Variants in RRM2 observed in about 807,000 individuals in gnomAD.
The protein encoded by RRM2 is ribonucleoside-diphosphate reductase subunit M2.
RRM2 carries 6 observed loss-of-function variants against 45.9 expected under a neutral mutation model. That is an observed-to-expected ratio of 0.13 (90% CI 0.07 to 0.26). The LOEUF is 0.26. Ranked by LOEUF, RRM2 falls within the 10% of genes least tolerant of loss-of-function variation. The pLI, the probability that RRM2 is intolerant of heterozygous loss-of-function variation, is 1.00. For synonymous variants in RRM2, 177 were observed against 173.0 expected, an observed-to-expected ratio of 1.02 and a Z score of -0.18; for missense variants, 343 against 489.5, an observed-to-expected ratio of 0.70 and a Z score of 2.82.
At chr2:10,126,716 C>G in intron 5 of RRM2, 159 bp from the exon 6 acceptor site, 1 of 649,504 alleles carries the variant, frequency 1.5e-6, no homozygotes, top group Admixed American at 2.7e-5. Flanking sequence ...GAAAAACTGA[C>G]CAGTAAAAAT....
chr2:10,154,767 C>T (rs1192846352), intron 3 of RRM2, among the ~76,000 whole-genome samples: 1 of 141,386 alleles, frequency 7.1e-6, no homozygotes, highest in Non-Finnish European at 1.5e-5. Context: ...GCGATCTCGG[C>T]TCACTGCAAC....
chr2:10,141,710 G>A (rs1663082766), intron 1 of RRM2: 1 of 1,216,890 alleles, frequency 8.2e-7, no homozygotes, highest in Non-Finnish European at 1.1e-6. Context: ...TCTTGGGAAG[G>A]AAAGAGCAGG....
chr2:10,185,903 C>T lies in RRM2; in HGVS notation n.483-24408C>T, dbSNP rs73913998. On this transcript the variant is annotated intron_variant and non_coding_transcript_variant, in intron 3 of 3. Transcript: ENST00000381786. This position sits in a 1 kb window ranked among gnomAD's most constrained non-coding sequence, Gnocchi z 4.3. ...CCCTCCTTTCTGTCCTTCCTCGTGCCGAGGTTCTCTCTCCTTGACTGTTTC... is the reference window on the plus strand; with the variant it reads ...CCCTCCTTTCTGTCCTTCCTCGTGCTGAGGTTCTCTCTCCTTGACTGTTTC... Among the ~76,000 whole-genome samples the T allele has an allele frequency of 7.5e-3, 1,148 of 152,298 alleles. 19 individuals are homozygous for T. The highest frequency in any genetic ancestry group is 0.026 in the African/African-American group (1,080 of 41,560).
At chr2:10,190,977 C>T (rs1157977974) in intron 3 of RRM2, among the ~76,000 whole-genome samples, 1 of 152,194 alleles carries the variant, frequency 6.6e-6, no homozygotes, top group Non-Finnish European at 1.5e-5. Context: ...GGCCACCCAC[C>T]TGTGACCTGT....
chr2:10,194,707 G>A (rs10191873), intron 3 of RRM2, among the ~76,000 whole-genome samples: 32,989 of 152,192 alleles, frequency 0.22, 4,243 homozygotes, highest in African/African-American at 0.35. Flanking sequence ...CCTCCATCTG[G>A]AGCGGGCTCA....
At chr2:10,209,864 C>T (rs1484254963) in intron 3 of RRM2, among the ~76,000 whole-genome samples, 1 of 152,224 alleles carries the variant, frequency 6.6e-6, no homozygotes, top group Non-Finnish European at 1.5e-5. Flanking sequence ...CAAAGAGTCC[C>T]CATAGCTGGT....
chr2:10,196,161 C>G (rs1409901578), intron 3 of RRM2, among the ~76,000 whole-genome samples: 8 of 152,302 alleles, frequency 5.3e-5, no homozygotes, highest in Admixed American at 2.0e-4. Context: ...TGCGGCACTG[C>G]AGACCCCTGT....
At chr2:10,207,317 C>T (rs1203799312) in intron 3 of RRM2, among the ~76,000 whole-genome samples, 3 of 152,172 alleles carry the variant, frequency 2.0e-5, no homozygotes, top group Non-Finnish European at 4.4e-5. Flanking sequence ...TTTTGCTCAC[C>T]ACCTGCAATT....
intron 3 of RRM2, among the ~76,000 whole-genome samples, chr2:10,197,297 A>T (rs889695815): frequency 3.9e-5 from 6 of 152,214 alleles, no homozygotes; most frequent in African/African-American, 1.4e-4. Context: ...CTGGGTCTGC[A>T]GCTGCCGGCT....
Position 10,180,425 on chromosome 2 carries a change from A to G in RRM2, n.483-29886A>G, listed in dbSNP as rs1341053381. 5.3e-5 allele frequency among the ~76,000 whole-genome samples: 8 copies of G among 152,326 alleles called. No homozygotes were observed. The East Asian group carries it at 5.8e-4, about 11-fold the overall frequency. On this transcript the variant is annotated intron_variant and non_coding_transcript_variant, in intron 3 of 3. Coordinates refer to the RRM2 transcript ENST00000381786. ...AAATGGTTAAAAAAAATTCCAAGTC[A>G]TTCATTATTCACCCTCGCTGCATAA...
At chr2:10,167,668 G>A (rs540934289) in intron 3 of RRM2, among the ~76,000 whole-genome samples, 1 of 152,306 alleles carries the variant, frequency 6.6e-6, no homozygotes, top group Non-Finnish European at 1.5e-5. Flanking sequence ...GGAGGAAGTG[G>A]AGAGGTGGGA....
intron 3 of RRM2, among the ~76,000 whole-genome samples, chr2:10,202,237 C>T (rs543236256): frequency 2.0e-5 from 3 of 152,272 alleles, no homozygotes; most frequent in African/African-American, 7.2e-5. Flanking sequence ...ACCTTTCAAA[C>T]TTGGCAAAAA....
rs371997022 is a variant in RRM2, at chr2:10,142,392, A to G, written n.482+17A>G. 5 of 1,368,500 alleles carry G rather than the reference A, an allele frequency of 3.7e-6. No individual in the cohort carries two copies. In the African/African-American group the frequency reaches 7.4e-5, roughly 20 times the overall value. The allele number at this position is 1,368,500 out of a possible 1,614,324, so 84.8% of individuals were successfully genotyped here. A position where few individuals can be genotyped will look rare whatever the true frequency, so the allele number is the denominator to read the frequency against. ...AGCTTTCAGGTGAGAAATGATGGCA[A>G]CTCGCACGGTGGGGGAAGAGGGGCC... On this transcript the variant is annotated intron_variant and non_coding_transcript_variant, in intron 3 of 3. Coordinates refer to the RRM2 transcript ENST00000381786.
At position 10,142,334 on chromosome 2, in the gene RRM2, C is replaced by T. The variant is rs183793065; in HGVS notation, n.441C>T. 5.0e-5 allele frequency: 69 copies of T among 1,381,356 alleles called. No individual in the cohort carries two copies. The East Asian group carries it at 2.6e-3, about 53-fold the overall frequency. 85.6% of individuals were successfully genotyped at this position (1,381,356 alleles called of 1,614,324 possible). ...CTGCTTCTGCGTGTCAGGTGTTACT[C>T]GGGGTGCGCCAGTGGAAGCGGGAGG... is the stretch of plus-strand genomic sequence containing the variant. On this transcript the variant is annotated non_coding_transcript_exon_variant, in exon 3 of 4. Coordinates refer to the RRM2 transcript ENST00000381786.
chr2:10,155,040 T>TAA (rs373914389), intron 3 of RRM2: 73 of 166,962 alleles, frequency 4.4e-4, no homozygotes, highest in South Asian at 1.0e-3. Context: ...AATTGCTCTG[T>TAA]AAAAAAAAAA....
intron 3 of RRM2, among the ~76,000 whole-genome samples, chr2:10,183,050 G>C (rs1329996319): frequency 2.0e-5 from 3 of 152,000 alleles, no homozygotes; most frequent in Non-Finnish European, 4.4e-5. Flanking sequence ...ATGGTGGCGC[G>C]TACCCAGCTA....
At chr2:10,140,469 G>T (rs375127314), upstream of RRM2, among the ~76,000 whole-genome samples, 1 of 152,136 alleles carries the variant, frequency 6.6e-6, no homozygotes, top group East Asian at 1.9e-4. Flanking sequence ...TCTGAGTAAG[G>T]CCTGACCATG....
chr2:10,206,083 A>G (rs1664658985), intron 3 of RRM2, among the ~76,000 whole-genome samples: 1 of 152,010 alleles, frequency 6.6e-6, no homozygotes, highest in Admixed American at 6.5e-5. Context: ...TGTCTGTACT[A>G]AAAATACAAA....
intron 5 of RRM2, 91 bp from the exon 6 acceptor site, chr2:10,126,784 G>T: frequency 1.1e-6 from 1 of 869,778 alleles, no homozygotes; most frequent in Non-Finnish European, 1.8e-6. Flanking sequence ...ACTTGAATTT[G>T]GCCTTTGTCC....
Sources: gnomAD v4.1 joint callset for allele counts (sites outside exome capture counted in the v4.1 genomes callset) on GRCh38, gnomAD v4.1.1 for gene constraint, Gnocchi (gnomAD v3.1) non-coding constraint, MANE v1.5 for transcripts, NCBI Gene and HGNC (gene_info 2026-07-23, HGNC 2026-07-21) for gene names.